Variants in ATP6V0A1 observed in about 807,000 individuals in gnomAD.
ATP6V0A1 encodes ATPase H+ transporting V0 subunit a1.
Under a neutral mutation model 105.4 loss-of-function variants are expected in ATP6V0A1, and 43 were observed. The ratio of observed to expected loss-of-function variants is 0.41; its 90% CI spans 0.32 to 0.53. The LOEUF is 0.53. Among genes scored for constraint, ATP6V0A1 ranks in the 20% least tolerant of loss-of-function variants. ATP6V0A1 has a pLI of 0.30. For missense variants in ATP6V0A1, 676 were observed against 1,051.1 expected (o/e 0.64, Z 4.93); for synonymous variants, 362 against 372.8 (o/e 0.97, Z 0.33).
rs2092850413 is a variant in ATP6V0A1 at position 42,522,365 on chromosome 17, C to A, written c.*1245C>A. ...GCTGCCTGGAGCCCTCATCCCCTCT[C>A]CCAGGCTGGGCTGGCCCTGGGCGGG... On this transcript the variant is annotated 3_prime_UTR_variant, in exon 22 of 22. Coordinates refer to ENST00000343619, the MANE Select transcript of ATP6V0A1 (RefSeq NM_001130021.3). 1 of 152,864 alleles carries A rather than the reference C, an allele frequency of 6.5e-6. No homozygotes were observed. 9.5% of individuals were successfully genotyped at this position (152,864 alleles called of 1,614,324 possible).
At chr17:42,485,819 A>G (rs2090053165) in intron 9 of ATP6V0A1, among the ~76,000 whole-genome samples, 2 of 152,194 alleles carry the variant, frequency 1.3e-5, no homozygotes, top group African/African-American at 4.8e-5. Context: ...GGCCTCCCAA[A>G]GTGCTGGGAT....
In ATP6V0A1 at chr17:42,499,039, A is replaced by T; in HGVS notation, c.1676A>T (p.His559Leu). Residue 559 changes from histidine to leucine, a missense_variant, in exon 15 of 22, where the codon CAT becomes CTT. Transcript: ENST00000343619. ...LFGVSLSLFNHIYFKKPLNIY... is the reference protein window; with the variant it reads ...LFGVSLSLFNLIYFKKPLNIY... ...GGAGTCAGCCTGAGTCTGTTCAACC[A>T]TATGTGAGTTGTTCCATTTCTGTCA... 1 of 1,586,280 alleles carries T rather than the reference A, an allele frequency of 6.3e-7. No individual in the cohort carries two copies. The highest frequency in any genetic ancestry group is 1.1e-5 in the South Asian group (1 of 90,048).
chr17:42,490,103 A>C (rs1208033667), intron 10 of ATP6V0A1, among the ~76,000 whole-genome samples: 1 of 152,204 alleles, frequency 6.6e-6, no homozygotes, highest in Non-Finnish European at 1.5e-5. Flanking sequence ...GTGAAGAAGG[A>C]GAGCCAGAGA....
At chr17:42,511,762 G>T (rs1306012665) in intron 19 of ATP6V0A1, among the ~76,000 whole-genome samples, 1 of 152,142 alleles carries the variant, frequency 6.6e-6, no homozygotes, top group Non-Finnish European at 1.5e-5. Context: ...CTGAAGTCAG[G>T]AGTTTGAGAC....
intron 21 of ATP6V0A1, among the ~76,000 whole-genome samples, chr17:42,517,411 G>GAA (rs1567876542): frequency 6.6e-6 from 1 of 152,216 alleles, no homozygotes; most frequent in African/African-American, 2.4e-5. Flanking sequence ...AGGAGGCAGA[G>GAA]GATACCATCA....
intron 7 of ATP6V0A1, among the ~76,000 whole-genome samples, chr17:42,479,655 G>T (rs192189707): frequency 2.0e-5 from 3 of 152,256 alleles, no homozygotes; most frequent in Admixed American, 1.3e-4. Context: ...CTCAGATTGG[G>T]TGGGCTGTGC....
At chr17:42,495,490 T>G in intron 13 of ATP6V0A1, 136 bp from the exon 14 acceptor site, 1 of 717,060 alleles carries the variant, frequency 1.4e-6, no homozygotes, top group Non-Finnish European at 2.3e-6. Context: ...TGCTAGTCTC[T>G]CCTCTTTATT....
chr17:42,509,114 C>T (rs1373979328), intron 19 of ATP6V0A1, among the ~76,000 whole-genome samples: 1 of 151,968 alleles, frequency 6.6e-6, no homozygotes, highest in East Asian at 1.9e-4. Flanking sequence ...GTCAGCTCTA[C>T]CTCCATGTGA....
In ATP6V0A1 at chr17:42,514,447, C is replaced by G; in HGVS notation, c.2407C>G (p.Leu803Val). 6.2e-7 allele frequency: 1 copy of G among 1,604,160 alleles called. No individual in the cohort carries two copies. The highest frequency in any genetic ancestry group is 1.1e-5 in the South Asian group (1 of 89,132). The change falls in exon 21 of 22, where the codon CTG (leucine) becomes GTG (valine). Residue 803 changes from leucine (L) to valine (V), a missense_variant. Transcript: ENST00000343619. Reference sequence around the variant, plus strand: ...GGGCCTCTCGGCCTTTCTCCACGCACTGCGCTTACACTGGTGAGGGGCAGT... The same window carrying G: ...GGGCCTCTCGGCCTTTCTCCACGCAGTGCGCTTACACTGGTGAGGGGCAGT... The part of the protein sequence containing the change: ...MEGLSAFLHA[L>V]RLHWVEFQNK...
chr17:42,489,240 C>T (rs889222746), intron 10 of ATP6V0A1, among the ~76,000 whole-genome samples: 4 of 151,668 alleles, frequency 2.6e-5, no homozygotes, highest in African/African-American at 9.7e-5. Context: ...CCACCACACC[C>T]AGCTAATTTT....
intron 10 of ATP6V0A1, among the ~76,000 whole-genome samples, chr17:42,489,883 A>C (rs1035729996): frequency 1.3e-4 from 20 of 152,212 alleles, no homozygotes; most frequent in Admixed American, 1.3e-3. Flanking sequence ...TTGCAATGCT[A>C]TGAGATAGGC....
At chr17:42,488,751 A>C (rs2145945409) in intron 10 of ATP6V0A1, among the ~76,000 whole-genome samples, 1 of 143,806 alleles carries the variant, frequency 7.0e-6, no homozygotes, top group East Asian at 2.1e-4. Context: ...GTGGTGACTC[A>C]CTCTTGTAAT....
chr17:42,478,097 A>G (rs979612586), intron 6 of ATP6V0A1, among the ~76,000 whole-genome samples: 1 of 151,958 alleles, frequency 6.6e-6, no homozygotes, highest in Non-Finnish European at 1.5e-5. Context: ...CATTCTCAGC[A>G]AACTATCACA....
chr17:42,514,551 G>C (rs1423750157), intron 21 of ATP6V0A1, 91 bp downstream of exon 21: 14 of 1,320,460 alleles, frequency 1.1e-5, no homozygotes, highest in Non-Finnish European at 1.4e-5. Context: ...CAGCCCTGCA[G>C]CTCTGTGCAG....
intron 18 of ATP6V0A1, 189 bp downstream of exon 18, chr17:42,507,816 G>GC (rs2092120257): frequency 3.4e-6 from 2 of 587,970 alleles, no homozygotes; most frequent in East Asian, 6.3e-5. Context: ...TCCAGCTGTT[G>GC]CCCCCAGAGC....
intron 9 of ATP6V0A1, among the ~76,000 whole-genome samples, chr17:42,486,277 G>GGCGC (rs1228226279): frequency 8.5e-5 from 13 of 152,170 alleles, no homozygotes; most frequent in Admixed American, 4.6e-4. Context: ...CGTGCATGGT[G>GGCGC]GCGCGCGCCT....
intron 17 of ATP6V0A1, among the ~76,000 whole-genome samples, chr17:42,502,429 TC>T (rs1248026624): frequency 3.9e-5 from 6 of 152,240 alleles, no homozygotes; most frequent in African/African-American, 1.4e-4. Flanking sequence ...TGATTTTTTT[TC>T]TTTTTAAAAA....
At chr17:42,475,853 T>C (rs1468028342) in intron 5 of ATP6V0A1, among the ~76,000 whole-genome samples, 2 of 152,238 alleles carry the variant, frequency 1.3e-5, no homozygotes, top group Non-Finnish European at 2.9e-5. Context: ...TGTTGTTTTT[T>C]ATTCTCAGAG....
intron 17 of ATP6V0A1, among the ~76,000 whole-genome samples, chr17:42,504,568 G>A (rs535579460): frequency 6.6e-6 from 1 of 152,258 alleles, no homozygotes; most frequent in East Asian, 1.9e-4. Context: ...TTGCCAGGTG[G>A]AATATGTGCA....
Sources: gnomAD v4.1 joint callset for allele counts (sites outside exome capture counted in the v4.1 genomes callset) on GRCh38, gnomAD v4.1.1 for gene constraint, MANE v1.5 for transcripts, NCBI Gene and HGNC (gene_info 2026-07-23, HGNC 2026-07-21) for gene names.